ZNF646: variants seen among roughly 807,000 people sequenced by gnomAD.
ZNF646 encodes zinc finger protein 646.
In ZNF646, 49 loss-of-function variants were observed where a neutral mutation model predicts 115.4. The observed-to-expected ratio is 0.42, with a 90% CI of 0.34 to 0.54. ZNF646 has a LOEUF of 0.54. Among genes scored for constraint, ZNF646 ranks in the 20% least tolerant of loss-of-function variants. The probability of loss-of-function intolerance (pLI) is 0.04; values close to 1 mark genes in which losing one functional copy is unlikely to be tolerated. For missense variants in ZNF646, 2,269 were observed against 2,457.9 expected, an observed-to-expected ratio of 0.92 and a Z score of 1.62; for synonymous variants, 933 against 939.0, an observed-to-expected ratio of 0.99 and a Z score of 0.12.
rs746884309 is a variant in ZNF646, at chr16:31,081,561, G to A, written c.5237G>A (p.Arg1746Gln). The change falls in exon 2 of 3, where the codon CGG becomes CAG. Residue 1746 changes from arginine to glutamine, a missense_variant. Arg to Gln is a conservative substitution (Grantham distance 43). Around this residue, in one of 5 missense-constraint regions of ZNF646, gnomAD observed 1,062 missense variants for 1,172.8 expected, o/e 0.91. Coordinates refer to ENST00000300850, the MANE Select transcript of ZNF646 (RefSeq NM_014699.4). ...GGCAAGGCCTTTCGGACAGCTGCCC[G>A]GCTGGAGGGCCACGGGCGGGTCCAT... ...ICGKAFRTAA[R>Q]LEGHGRVHAP... 30 of 1,613,584 alleles carry A rather than the reference G, an allele frequency of 1.9e-5. No homozygotes were observed. In the Middle Eastern group the frequency reaches 4.9e-4, roughly 27 times the overall value.
In ZNF646 at chr16:31,079,858, G is replaced by A. The variant is rs1379160757; in HGVS notation, c.3534G>A (p.Lys1178=). Residue 1178 remains lysine, a synonymous_variant, in exon 2 of 3, where the codon AAG becomes AAA. Coordinates refer to ENST00000300850, the MANE Select transcript of ZNF646 (RefSeq NM_014699.4). The surrounding 1 kb of genome is among the most constrained non-coding windows in gnomAD (Gnocchi z 5.5). The part of the protein sequence containing the change: ...KEEVWEETTV[K]GEEIEPRLET... ...AGGTGTGGGAGGAGACCACTGTGAA[G>A]GGGGAGGAGATAGAGCCCAGGCTGG... 1 of 1,613,210 alleles carries A rather than the reference G, an allele frequency of 6.2e-7. No homozygotes were observed. The highest frequency in any genetic ancestry group is 8.5e-7 in the Non-Finnish European group (1 of 1,179,452).
In ZNF646 at chr16:31,083,843, A is replaced by T; in HGVS notation, c.*751A>T. ...AAGGAAGGAGGGTGGAGTTGTCCTC[A>T]TCCTCACGGCTTTGGTCCCTCCCTC... is the stretch of plus-strand genomic sequence containing the variant. On this transcript the variant is annotated 3_prime_UTR_variant, in exon 3 of 3. Coordinates refer to ENST00000300850, the MANE Select transcript of ZNF646 (RefSeq NM_014699.4). 1 of 1,613,980 alleles carries T rather than the reference A, an allele frequency of 6.2e-7. No homozygotes were observed. The highest frequency in any genetic ancestry group is 8.5e-7 in the Non-Finnish European group (1 of 1,179,866).
At chr16:31,082,872 G>C in intron 2 of ZNF646, 99 bp from the exon 3 acceptor site, 1 of 1,471,226 alleles carries the variant, frequency 6.8e-7, no homozygotes, top group Non-Finnish European at 9.0e-7. Context: ...CTGGGCCTCC[G>C]GGGCCAGGGG....
In ZNF646 at chr16:31,081,667, G is replaced by C. The variant is rs1307652605; in HGVS notation, c.5343G>C (p.Gln1781His). 1.9e-6 allele frequency: 3 copies of C among 1,602,280 alleles called. No homozygotes were observed. The highest frequency in any genetic ancestry group is 2.6e-6 in the Non-Finnish European group (3 of 1,173,342). Reference protein sequence around the residue: ...RRRISFVQHQQQHQEEWTVAG... With the variant: ...RRRISFVQHQHQHQEEWTVAG... ...GAATCAGCTTCGTGCAGCACCAGCA[G>C]CAGCACCAGGAGGAGTGGACGGTGG... The change falls in exon 2 of 3, where the codon CAG (glutamine) becomes CAC (histidine). Residue 1781 changes from glutamine (Q) to histidine (H), a missense_variant. Around this residue, in one of 5 missense-constraint regions of ZNF646, gnomAD observed 1,062 missense variants for 1,172.8 expected, o/e 0.91. Coordinates refer to ENST00000300850, the MANE Select transcript of ZNF646 (RefSeq NM_014699.4).
rs138012696 is a variant in ZNF646, at chr16:31,076,810, G to A, written c.486G>A (p.Thr162=). Residue 162 remains threonine, a synonymous_variant, in exon 2 of 3, where the codon ACG becomes ACA. Coordinates refer to ENST00000300850, the MANE Select transcript of ZNF646 (RefSeq NM_014699.4). ...CTGACCCCAGGGCAGCTTCGGGTAC[G>A]TGGGAAGATCTGCCCACCAGACAAA... The part of the protein sequence containing the change: ...SVPDPRAASG[T]WEDLPTRQRE... 210 of 1,613,990 alleles carry A rather than the reference G, an allele frequency of 1.3e-4. No homozygotes were observed. The highest frequency in any genetic ancestry group is 1.6e-4 in the Non-Finnish European group (192 of 1,180,046).
In ZNF646 at chr16:31,083,370, C is replaced by G. The variant is rs746971112; in HGVS notation, c.*278C>G. Reference sequence around the variant, plus strand: ...CACCAGGGAGAGGCGGATGCAGAGCCCCACCGGTGGGAAAGTTGCCTGTGG... The same window carrying G: ...CACCAGGGAGAGGCGGATGCAGAGCGCCACCGGTGGGAAAGTTGCCTGTGG... On this transcript the variant is annotated 3_prime_UTR_variant, in exon 3 of 3. Transcript: ENST00000300850. 26 of 1,056,342 alleles carry G rather than the reference C, an allele frequency of 2.5e-5. No homozygotes were observed. The highest frequency in any genetic ancestry group is 3.3e-5 in the Non-Finnish European group (26 of 781,454). The allele number at this position is 1,056,342 out of a possible 1,614,324, so 65.4% of individuals were successfully genotyped here.
Position 31,077,212 on chromosome 16 carries a change from T to G in ZNF646, c.888T>G (p.Cys296Trp). Residue 296 changes from cysteine to tryptophan, a missense_variant, in exon 2 of 3, where the codon TGT becomes TGG. Cys to Trp is a radical substitution (Grantham distance 215, BLOSUM62 -2). This residue lies in a region of ZNF646 where 852 missense variants were observed against 900.2 expected (regional missense o/e 0.95). Coordinates refer to ENST00000300850, the MANE Select transcript of ZNF646 (RefSeq NM_014699.4). Reference sequence around the variant, plus strand: ...ATGCCCAGTATCGGCCTTACCACTGTCCCCACTGCCCCCGTGTCTTCCGGC... The same window carrying G: ...ATGCCCAGTATCGGCCTTACCACTGGCCCCACTGCCCCCGTGTCTTCCGGC... The part of the protein sequence containing the change: ...RLHAQYRPYH[C>W]PHCPRVFRLP... The G allele has an allele frequency of 6.2e-7, 1 of 1,613,992 alleles. No individual in the cohort carries two copies. Among genetic ancestry groups the G allele is most frequent in the Non-Finnish European group, 8.5e-7 (1 of 1,179,982 alleles).
Position 31,083,527 on chromosome 16 carries a change from T to C in ZNF646, c.*435T>C. 7.3e-7 allele frequency: 1 copy of C among 1,372,178 alleles called. No homozygotes were observed. The highest frequency in any genetic ancestry group is 9.4e-7 in the Non-Finnish European group (1 of 1,059,668). The allele number at this position is 1,372,178 out of a possible 1,614,324, so 85.0% of individuals were successfully genotyped here. On this transcript the variant is annotated 3_prime_UTR_variant, in exon 3 of 3. Coordinates refer to ENST00000300850, the MANE Select transcript of ZNF646 (RefSeq NM_014699.4). ...TTTCAAAACAACGTGGCTGGCGTGA[T>C]TGTATCTGAAAGGGTAAAGGAGGAG...
chr16:31,079,441 G>T lies in ZNF646; in HGVS notation c.3117G>T (p.Gln1039His). The change falls in exon 2 of 3, where the codon CAG (glutamine) becomes CAT (histidine). Residue 1039 changes from glutamine to histidine, a missense_variant. By Grantham distance (24) the Gln-to-His change is conservative. Transcript: ENST00000300850. The surrounding 1 kb of genome is among the most constrained non-coding windows in gnomAD (Gnocchi z 5.5). ...GTPLGDSLCI[Q>H]GGESLLEAQP... ...CCTTGGGAGACAGCCTCTGCATCCA[G>T]GGTGGGGAAAGTTTGTTGGAGGCTC... 2.5e-6 allele frequency: 4 copies of T among 1,613,912 alleles called. No homozygotes were observed. Among genetic ancestry groups the T allele is most frequent in the Non-Finnish European group, 3.4e-6 (4 of 1,179,984 alleles).
rs371896509 is a variant in ZNF646, at chr16:31,083,813, T to A, written c.*721T>A. The A allele has an allele frequency of 6.2e-7, 1 of 1,613,888 alleles. No homozygotes were observed. Among genetic ancestry groups the A allele is most frequent in the Non-Finnish European group, 8.5e-7 (1 of 1,179,904 alleles). On this transcript the variant is annotated 3_prime_UTR_variant, in exon 3 of 3. Coordinates refer to ENST00000300850, the MANE Select transcript of ZNF646 (RefSeq NM_014699.4). ...TGTCAGCAGCTGGTTGGTTGGCCTG[T>A]GGGGAAGGAAGGAGGGTGGAGTTGT...
chr16:31,083,464 TA>T lies in ZNF646; in HGVS notation c.*379del. The T allele has an allele frequency of 1.5e-6, 2 of 1,312,282 alleles. No individual in the cohort carries two copies. The highest frequency in any genetic ancestry group is 2.1e-5 in the South Asian group (1 of 47,872). The allele number at this position is 1,312,282 out of a possible 1,614,324, so 81.3% of individuals were successfully genotyped here. A position where few individuals can be genotyped will look rare whatever the true frequency, so the allele number is the denominator to read the frequency against. On this transcript the variant is annotated 3_prime_UTR_variant, in exon 3 of 3. Transcript: ENST00000300850. Reference sequence around the variant, plus strand: ...TATTTTGTAACAATTTATTTAAGTTTAAAAAAAGGAAAACTGCTGCCCCCCA... The same window carrying T: ...TATTTTGTAACAATTTATTTAAGTTTAAAAAAGGAAAACTGCTGCCCCCCA...
At chr16:31,074,839 G>C (rs2057056596) in intron 1 of ZNF646, 1 of 152,328 alleles carries the variant, frequency 6.6e-6, no homozygotes, top group South Asian at 2.1e-4. Context: ...GAATTCCGGG[G>C]GCAGGTTCAG....
At position 31,083,266 on chromosome 16, in the gene ZNF646, C is replaced by T. The variant is rs1596782978; in HGVS notation, c.*174C>T. On this transcript the variant is annotated 3_prime_UTR_variant, in exon 3 of 3. Transcript: ENST00000300850. ...GGAGGGGGTGGGGTGTTCCTCGCGT[C>T]CCTGTCCTTGAAGGACCTCCTTCCC... 1 of 1,097,382 alleles carries T rather than the reference C, an allele frequency of 9.1e-7. No homozygotes were observed. The highest frequency in any genetic ancestry group is 2.9e-5 in the East Asian group (1 of 33,964). 68.0% of individuals were successfully genotyped at this position (1,097,382 alleles called of 1,614,324 possible). A position where few individuals can be genotyped will look rare whatever the true frequency, so the allele number is the denominator to read the frequency against.
chr16:31,076,716 T>C lies in ZNF646; in HGVS notation c.392T>C (p.Leu131Pro). ...TCCACTGACTCCTGGGGCCAAAGGCTTGGCTCTAGTGAAGGCTGGGAAAAC... is the reference window on the plus strand; with the variant it reads ...TCCACTGACTCCTGGGGCCAAAGGCCTGGCTCTAGTGAAGGCTGGGAAAAC... ...TVSTDSWGQR[L>P]GSSEGWENQT... The change falls in exon 2 of 3, where the codon CTT (leucine) becomes CCT (proline). Residue 131 changes from leucine to proline, a missense_variant. Physicochemically the swap from Leu to Pro is moderately conservative, Grantham distance 98. This residue lies in a region of ZNF646 where 334 missense variants were observed against 323.5 expected (regional missense o/e 1.03). Coordinates refer to ENST00000300850, the MANE Select transcript of ZNF646 (RefSeq NM_014699.4). The C allele has an allele frequency of 6.2e-7, 1 of 1,613,630 alleles. No homozygotes were observed. Among genetic ancestry groups the C allele is most frequent in the Non-Finnish European group, 8.5e-7 (1 of 1,180,028 alleles).
rs2057130780 is a variant in ZNF646 at position 31,079,861 on chromosome 16, G to C, written c.3537G>C (p.Gly1179=). The change falls in exon 2 of 3, where the codon GGG becomes GGC. Residue 1179 remains glycine, a synonymous_variant. Transcript: ENST00000300850. The surrounding 1 kb of genome is among the most constrained non-coding windows in gnomAD (Gnocchi z 5.5). ...TGTGGGAGGAGACCACTGTGAAGGG[G>C]GAGGAGATAGAGCCCAGGCTGGAGA... ...EEVWEETTVK[G]EEIEPRLETA... is the part of the protein sequence containing the mutation. 3 of 1,613,092 alleles carry C rather than the reference G, an allele frequency of 1.9e-6. No individual in the cohort carries two copies. Among genetic ancestry groups the C allele is most frequent in the Middle Eastern group, 1.7e-4 (1 of 6,056 alleles).
Position 31,076,328 on chromosome 16 carries a change from GA to G in ZNF646, c.5del (p.Glu2GlyfsTer93), listed in dbSNP as rs1384655084. On this transcript the variant is annotated frameshift_variant, in exon 2 of 3. Transcript: ENST00000300850. LOFTEE classifies it high-confidence loss of function. ...CAGGTTTCTGCTACGTTGCCCCATG[GA>G]GGACACACCCCCCTCACTCAGCTGC... M[E>X]DTPPSLSCSD... is the part of the protein sequence containing the mutation. The G allele has an allele frequency of 6.2e-7, 1 of 1,606,316 alleles. No homozygotes were observed. The highest frequency in any genetic ancestry group is 8.5e-7 in the Non-Finnish European group (1 of 1,174,994).
intron 2 of ZNF646, chr16:31,081,924 TGGGGGCG>T: frequency 1.4e-6 from 1 of 706,628 alleles, no homozygotes; most frequent in South Asian, 2.4e-5. Context: ...GGGCAGCACG[TGGGGGCG>T]TGGTCAGGCC....
chr16:31,082,594 G>GGTTCCCTCAGCAGGACCTGGGCTGGCCT, intron 2 of ZNF646: 1 of 251,788 alleles, frequency 4.0e-6, no homozygotes, highest in Admixed American at 6.1e-5. Flanking sequence ...TGGGGCGGCC[G>GGTTCCCTCAGCAGGACCTGGGCTGGCCT]GTTCCCTCAG....
chr16:31,081,577 G>A lies in ZNF646; in HGVS notation c.5253G>A (p.Gly1751=), dbSNP rs2143842891. Residue 1751 remains glycine, a synonymous_variant, in exon 2 of 3, where the codon GGG becomes GGA. Transcript: ENST00000300850. ...CAGCTGCCCGGCTGGAGGGCCACGGGCGGGTCCATGCACCCCGGGAGGGGC... is the reference window on the plus strand; with the variant it reads ...CAGCTGCCCGGCTGGAGGGCCACGGACGGGTCCATGCACCCCGGGAGGGGC... ...FRTAARLEGH[G]RVHAPREGPF... is the part of the protein sequence containing the mutation. 6.2e-7 allele frequency: 1 copy of A among 1,613,280 alleles called. No individual in the cohort carries two copies. The highest frequency in any genetic ancestry group is 8.5e-7 in the Non-Finnish European group (1 of 1,179,908).
Sources: gnomAD v4.1 joint callset for allele counts on GRCh38, gnomAD v4.1.1 for gene constraint, gnomAD v4.1.1 regional missense constraint, Gnocchi (gnomAD v3.1) non-coding constraint, MANE v1.5 for transcripts, NCBI Gene and HGNC (gene_info 2026-07-23, HGNC 2026-07-21) for gene names.